PID1: variants seen among roughly 807,000 people sequenced by gnomAD.
PID1 encodes the protein phosphotyrosine interaction domain containing 1.
A neutral mutation model predicts 19.1 loss-of-function variants in PID1; 10 were observed. That is an observed-to-expected ratio of 0.52 (90% CI 0.32 to 0.89). The LOEUF (loss-of-function observed/expected upper bound fraction) is 0.89, where lower values mean the gene tolerates loss of function less well. PID1 is among the 40% of genes least tolerant of loss of function. The probability of loss-of-function intolerance (pLI) is 0.03; values close to 1 mark genes in which losing one functional copy is unlikely to be tolerated. For missense variants in PID1, 248 were observed against 285.3 expected (o/e 0.87, Z 0.94); for synonymous variants, 130 against 116.0 (o/e 1.12, Z -0.78).
chr2:229,231,356 T>A (rs1553582406), intron 1 of PID1, among the ~76,000 whole-genome samples: 1 of 152,128 alleles, frequency 6.6e-6, no homozygotes, highest in Non-Finnish European at 1.5e-5. Flanking sequence ...TGGGCTTCTA[T>A]AGTAATTTTC....
At chr2:229,232,709 C>G (rs1325262645) in intron 1 of PID1, among the ~76,000 whole-genome samples, 4 of 149,242 alleles carry the variant, frequency 2.7e-5, no homozygotes, top group African/African-American at 4.9e-5. Context: ...TATATATACA[C>G]ACATTCCAAT....
intron 1 of PID1, among the ~76,000 whole-genome samples, chr2:229,214,281 T>C (rs1256406911): frequency 1.4e-5 from 2 of 144,062 alleles, no homozygotes; most frequent in Admixed American, 6.9e-5. Context: ...GTCATCTTAC[T>C]TGGGGGTATT....
chr2:229,233,248 A>C (rs1252740663), intron 1 of PID1, among the ~76,000 whole-genome samples: 3 of 152,160 alleles, frequency 2.0e-5, no homozygotes, highest in African/African-American at 7.2e-5. Context: ...TACTTGTTCA[A>C]AGCTGGAGAG....
intron 2 of PID1, among the ~76,000 whole-genome samples, chr2:229,030,692 C>T (rs916715290): frequency 3.9e-5 from 6 of 152,098 alleles, no homozygotes; most frequent in South Asian, 2.1e-4. Flanking sequence ...AGACGATTCA[C>T]TCCAATGAAA....
chr2:229,260,562 T>C (rs1274428334), intron 1 of PID1, among the ~76,000 whole-genome samples: 2 of 151,382 alleles, frequency 1.3e-5, no homozygotes, highest in Non-Finnish European at 2.9e-5. Flanking sequence ...AAATTAAACA[T>C]GTGTTTACAC....
intron 1 of PID1, among the ~76,000 whole-genome samples, chr2:229,221,505 C>T (rs538141900): frequency 6.6e-6 from 1 of 152,142 alleles, no homozygotes; most frequent in Non-Finnish European, 1.5e-5. Context: ...ATCTGCACAT[C>T]TACCTCAAAC....
chr2:229,160,681 A>G (rs1690474623), intron 1 of PID1, among the ~76,000 whole-genome samples: 1 of 152,192 alleles, frequency 6.6e-6, no homozygotes, highest in Non-Finnish European at 1.5e-5. Flanking sequence ...TAGCAAAGCT[A>G]GAGAGAGACT....
chr2:229,096,908 T>C lies in PID1; in HGVS notation c.177+58910A>G, dbSNP rs544886648. 3.3e-5 allele frequency among the ~76,000 whole-genome samples: 5 copies of C among 151,984 alleles called. No homozygotes were observed. The South Asian group carries it at 1.0e-3, about 32-fold the overall frequency. ...AGGCATTCAGATGTGTCATGAAAAA[T>C]AAACAAATCGAAAGTGAAGAGCAAA... On this transcript the variant is annotated intron_variant, in intron 2 of 2. Transcript: ENST00000392055.
At chr2:229,189,784 G>A (rs1035135064) in intron 1 of PID1, among the ~76,000 whole-genome samples, 8 of 152,126 alleles carry the variant, frequency 5.3e-5, no homozygotes, top group South Asian at 2.1e-4. Context: ...AGGCAAGGGC[G>A]GGGCAGAGAG....
At chr2:229,067,311 C>T (rs561290589) in intron 2 of PID1, among the ~76,000 whole-genome samples, 2 of 152,184 alleles carry the variant, frequency 1.3e-5, no homozygotes, top group African/African-American at 4.8e-5. Flanking sequence ...AGAGCCAAAC[C>T]ATATTACCCT....
chr2:229,112,903 C>T (rs1044670020), intron 2 of PID1, among the ~76,000 whole-genome samples: 1 of 152,152 alleles, frequency 6.6e-6, no homozygotes, highest in African/African-American at 2.4e-5. Context: ...AGAAAACAGT[C>T]ATGAACAATG....
chr2:229,086,782 T>C, intron 2 of PID1, among the ~76,000 whole-genome samples: 1 of 152,176 alleles, frequency 6.6e-6, no homozygotes, highest in Non-Finnish European at 1.5e-5. Flanking sequence ...TACATAATTT[T>C]TGTAAAGCTT....
chr2:229,267,955 G>A (rs1014230618), intron 1 of PID1, among the ~76,000 whole-genome samples: 6 of 152,002 alleles, frequency 3.9e-5, no homozygotes, highest in South Asian at 2.1e-4. Flanking sequence ...CTGTGCAGAC[G>A]GGAAGGTGAA....
intron 2 of PID1, among the ~76,000 whole-genome samples, chr2:229,073,783 G>A (rs79541710): frequency 6.6e-6 from 1 of 152,228 alleles, no homozygotes; most frequent in Non-Finnish European, 1.5e-5. Flanking sequence ...GGGCAATTAT[G>A]AAGAAAGCCG....
chr2:229,085,609 A>G (rs1206911899), intron 2 of PID1, among the ~76,000 whole-genome samples: 1 of 152,216 alleles, frequency 6.6e-6, no homozygotes, highest in East Asian at 1.9e-4. Flanking sequence ...GAAGATACCC[A>G]TGAAGAAACA....
chr2:229,266,690 C>A (rs1690599304), intron 1 of PID1, among the ~76,000 whole-genome samples: 1 of 152,216 alleles, frequency 6.6e-6, no homozygotes, highest in South Asian at 2.1e-4. Flanking sequence ...CTGCTCAACG[C>A]TGGCCAAATC....
chr2:229,145,893 T>A (rs897928320), intron 2 of PID1, among the ~76,000 whole-genome samples: 1 of 152,214 alleles, frequency 6.6e-6, no homozygotes, highest in Admixed American at 6.5e-5. Flanking sequence ...TTTTCAGAAA[T>A]TTTGATTAAA....
chr2:229,062,072 A>G (rs933297531), intron 2 of PID1, among the ~76,000 whole-genome samples: 11 of 148,916 alleles, frequency 7.4e-5, no homozygotes, highest in African/African-American at 2.9e-4. Flanking sequence ...TCCTATTTCA[A>G]TGTTTTTAAT....
At chr2:229,223,838 T>A (rs1692022127) in intron 1 of PID1, among the ~76,000 whole-genome samples, 1 of 152,236 alleles carries the variant, frequency 6.6e-6, no homozygotes, top group Non-Finnish European at 1.5e-5. Flanking sequence ...CATGGCTATG[T>A]TGCATAATGC....
Sources: gnomAD v4.1 joint callset for allele counts (sites outside exome capture counted in the v4.1 genomes callset) on GRCh38, gnomAD v4.1.1 for gene constraint, MANE v1.5 for transcripts, NCBI Gene and HGNC (gene_info 2026-07-23, HGNC 2026-07-21) for gene names.